NRG3: variants seen among roughly 807,000 people sequenced by gnomAD.
The protein encoded by NRG3 is neuregulin 3.
NRG3 carries 31 observed loss-of-function variants against 66.9 expected under a neutral mutation model. The observed-to-expected ratio is 0.46, with a 90% CI of 0.35 to 0.63. NRG3 has a LOEUF of 0.63. Ranked by LOEUF, NRG3 falls within the 20% of genes least tolerant of loss-of-function variation. The pLI is 0.00. For missense variants in NRG3, 910 were observed against 878.9 expected (o/e 1.04, Z -0.45); for synonymous variants, 393 against 359.4 (o/e 1.09, Z -1.06).
intron 3 of NRG3, among the ~76,000 whole-genome samples, chr10:82,750,705 A>G (rs751383389): frequency 6.6e-6 from 1 of 152,186 alleles, no homozygotes; most frequent in Admixed American, 6.6e-5. Context: ...AAAATAATCA[A>G]TTTGTAAGAA....
chr10:82,074,982 C>CT (rs1191889570), intron 1 of NRG3, among the ~76,000 whole-genome samples: 7 of 152,262 alleles, frequency 4.6e-5, no homozygotes, highest in African/African-American at 1.4e-4. Context: ...GTCTCCATCA[C>CT]TTTTTTTGTG....
rs191671455 is a variant in NRG3, at chr10:82,577,397, T to A, written c.954-161180T>A. Among the ~76,000 whole-genome samples the A allele has an allele frequency of 2.0e-5, 3 of 151,878 alleles. No homozygotes were observed. The East Asian group carries it at 5.8e-4, about 29-fold the overall frequency. On this transcript the variant is annotated intron_variant, in intron 2 of 8. Coordinates refer to ENST00000372141, the MANE Select transcript of NRG3 (RefSeq NM_001010848.4). ...CTCAAAACTTTTATAGTTATAGGAATAAGAACAAATTTTACAAAAATCATT... is the reference window on the plus strand; with the variant it reads ...CTCAAAACTTTTATAGTTATAGGAAAAAGAACAAATTTTACAAAAATCATT...
At chr10:82,983,032 T>C (rs886089482) in intron 8 of NRG3, among the ~76,000 whole-genome samples, 2 of 152,218 alleles carry the variant, frequency 1.3e-5, no homozygotes, top group African/African-American at 4.8e-5. Context: ...TTGTTGAATT[T>C]ATATTCTCTA....
intron 2 of NRG3, among the ~76,000 whole-genome samples, chr10:82,366,409 CTACT>C (rs2084527426): frequency 6.6e-6 from 1 of 152,162 alleles, no homozygotes; most frequent in East Asian, 1.9e-4. Context: ...GAATTCCTGT[CTACT>C]GTATATTCTC....
intron 2 of NRG3, among the ~76,000 whole-genome samples, chr10:82,646,951 C>CTT (rs11442150): frequency 4.1e-4 from 54 of 130,980 alleles, no homozygotes; most frequent in Admixed American, 3.1e-3. Context: ...TTTTGCATTT[C>CTT]TTTTTTTTTT....
At chr10:81,933,839 A>G (rs1330990337) in intron 1 of NRG3, among the ~76,000 whole-genome samples, 1 of 152,126 alleles carries the variant, frequency 6.6e-6, no homozygotes, top group East Asian at 1.9e-4. Flanking sequence ...AATTACACTC[A>G]TTGTTTTTTC....
chr10:82,969,241 G>A (rs987054324), intron 6 of NRG3, among the ~76,000 whole-genome samples: 1 of 152,060 alleles, frequency 6.6e-6, no homozygotes, highest in African/African-American at 2.4e-5. Context: ...TAGGCACCTA[G>A]GTTTTTCTTG....
intron 1 of NRG3, among the ~76,000 whole-genome samples, chr10:82,177,768 A>T (rs986092380): frequency 7.2e-5 from 11 of 152,162 alleles, no homozygotes; most frequent in Non-Finnish European, 1.5e-4. Context: ...TAGAGACAGA[A>T]TCTTGTTATT....
intron 1 of NRG3, among the ~76,000 whole-genome samples, chr10:82,000,065 C>G (rs573410440): frequency 1.3e-5 from 2 of 152,122 alleles, no homozygotes; most frequent in African/African-American, 2.4e-5. Flanking sequence ...AAGGAAGATG[C>G]TGGATAATAA....
chr10:82,589,042 G>A (rs369100893), intron 2 of NRG3, among the ~76,000 whole-genome samples: 45 of 152,034 alleles, frequency 3.0e-4, no homozygotes, highest in African/African-American at 9.7e-4. Flanking sequence ...GCTGGCCTAC[G>A]CATTGCAAGG....
chr10:82,906,722 A>G (rs1255557459), intron 4 of NRG3, among the ~76,000 whole-genome samples: 1 of 151,158 alleles, frequency 6.6e-6, no homozygotes, highest in South Asian at 2.1e-4. Context: ...AAGGCAATCC[A>G]TTGAGCAAAT....
chr10:82,556,687 C>A (rs555849130), intron 2 of NRG3, among the ~76,000 whole-genome samples: 1 of 152,116 alleles, frequency 6.6e-6, no homozygotes, highest in African/African-American at 2.4e-5. Flanking sequence ...TGGTGTGTTA[C>A]ATAGGTAATC....
rs143513050 is a variant in NRG3 at position 82,977,040 on chromosome 10, A to G, written c.1413-1910A>G. ...AATGAACCAGGTTAAAGTGCCATCT[A>G]TGTCTCTCCAGGACTCTGACTGGTA... is the stretch of plus-strand genomic sequence containing the variant. On this transcript the variant is annotated intron_variant, in intron 7 of 8. Coordinates refer to ENST00000372141, the MANE Select transcript of NRG3 (RefSeq NM_001010848.4). Among the ~76,000 whole-genome samples, 329 of 152,194 alleles carry G rather than the reference A, an allele frequency of 2.2e-3. 3 individuals carry two copies. Among genetic ancestry groups the G allele is most frequent in the African/African-American group, 7.4e-3 (309 of 41,512 alleles).
At chr10:82,328,042 C>A (rs1048084576) in intron 1 of NRG3, among the ~76,000 whole-genome samples, 6 of 152,056 alleles carry the variant, frequency 3.9e-5, no homozygotes, top group African/African-American at 1.2e-4. Context: ...AGTCACATTG[C>A]GGGGTTAGGG....
At chr10:82,006,422 A>G (rs1265429328) in intron 1 of NRG3, among the ~76,000 whole-genome samples, 1 of 152,030 alleles carries the variant, frequency 6.6e-6, no homozygotes, top group Non-Finnish European at 1.5e-5. Flanking sequence ...TACTTTGCTT[A>G]TAATGTATTT....
chr10:82,255,829 C>A (rs2077700856), intron 1 of NRG3, among the ~76,000 whole-genome samples: 1 of 152,132 alleles, frequency 6.6e-6, no homozygotes, highest in African/African-American at 2.4e-5. Context: ...GTCTCAAACT[C>A]CTGACCTCAG....
Position 82,461,832 on chromosome 10 carries a change from A to C in NRG3, c.953+102964A>C, listed in dbSNP as rs373698654. ...CTGCAGTAAAACAATTGAGCATATA[A>C]AAATATTTTCATATTAGGCCGGGTG... is the stretch of plus-strand genomic sequence containing the variant. On this transcript the variant is annotated intron_variant, in intron 2 of 8. Coordinates refer to ENST00000372141, the MANE Select transcript of NRG3 (RefSeq NM_001010848.4). Among the ~76,000 whole-genome samples the C allele has an allele frequency of 5.3e-5, 8 of 152,294 alleles. No homozygotes were observed. In the East Asian group the frequency reaches 1.4e-3, roughly 26 times the overall value.
At chr10:82,545,234 CCT>C (rs1184685140) in intron 2 of NRG3, among the ~76,000 whole-genome samples, 8 of 152,064 alleles carry the variant, frequency 5.3e-5, no homozygotes, top group African/African-American at 1.9e-4. Flanking sequence ...GAAATATAAA[CCT>C]CTTTTAGTGT....
Position 82,323,484 on chromosome 10 carries a change from T to C in NRG3, c.824-35255T>C, listed in dbSNP as rs145337846. Among the ~76,000 whole-genome samples the C allele has an allele frequency of 4.6e-3, 695 of 151,000 alleles. 6 individuals are homozygous for C. Among genetic ancestry groups the C allele is most frequent in the African/African-American group, 0.016 (663 of 40,506 alleles). On this transcript the variant is annotated intron_variant, in intron 1 of 8. Transcript: ENST00000372141. ...ATAAACCTCACTTGGCCATGACATA[T>C]TATCCTTTTTTTTTTTTTTTGGATT...
Sources: gnomAD v4.1 joint callset for allele counts (sites outside exome capture counted in the v4.1 genomes callset) on GRCh38, gnomAD v4.1.1 for gene constraint, MANE v1.5 for transcripts, NCBI Gene and HGNC (gene_info 2026-07-23, HGNC 2026-07-21) for gene names.